Variants in RNASEH2B observed in about 807,000 individuals in gnomAD.
RNASEH2B encodes the protein Aicardi-Goutieres syndrome 2 protein.
RNASEH2B carries 36 observed loss-of-function variants against 45.0 expected under a neutral mutation model. The observed-to-expected ratio is 0.80, with a 90% CI of 0.61 to 1.06. The LOEUF is 1.06. Ranked by LOEUF, RNASEH2B falls within the 50% of genes least tolerant of loss-of-function variation. RNASEH2B has a pLI of 0.00. For synonymous variants in RNASEH2B, 119 were observed against 125.7 expected (o/e 0.95, Z 0.35); for missense variants, 361 against 360.3 (o/e 1.00, Z -0.02).
At chr13:50,937,160 C>T (rs904927058) in intron 5 of RNASEH2B, 5 of 151,906 alleles carry the variant, frequency 3.3e-5, no homozygotes, top group African/African-American at 1.2e-4. Flanking sequence ...AAGCTGCAGC[C>T]TGTGAATCTC....
At chr13:50,966,896 T>C (rs1226308126) in intron 9 of RNASEH2B, among the ~76,000 whole-genome samples, 1 of 152,200 alleles carries the variant, frequency 6.6e-6, no homozygotes, top group Non-Finnish European at 1.5e-5. Context: ...TCTTAATCTT[T>C]AAAAATATAA....
chr13:50,910,278 G>C, intron 1 of RNASEH2B, 138 bp downstream of exon 1: 2 of 544,696 alleles, frequency 3.7e-6, no homozygotes, highest in South Asian at 8.1e-5. Flanking sequence ...GGGACAGCTG[G>C]CCCCGCATTT....
At chr13:50,950,428 TG>T (rs939655209) in intron 9 of RNASEH2B, 1 of 149,598 alleles carries the variant, frequency 6.7e-6, no homozygotes, top group Non-Finnish European at 1.5e-5. Flanking sequence ...CAGCAGTGTT[TG>T]TTTGGGCCTA....
chr13:50,910,051 GC>G lies in RNASEH2B; in HGVS notation c.-25del. The G allele has an allele frequency of 6.8e-7, 1 of 1,466,894 alleles. No individual in the cohort carries two copies. The highest frequency in any genetic ancestry group is 9.0e-7 in the Non-Finnish European group (1 of 1,113,182). The allele number at this position is 1,466,894 out of a possible 1,614,324, so 90.9% of individuals were successfully genotyped here. ...GACTGAGGCCCGCGGCGCTGAGCCTGCGGCGCCCCGGAAGAGGCGGGCGGCA... is the reference window on the plus strand; with the variant it reads ...GACTGAGGCCCGCGGCGCTGAGCCTGGGCGCCCCGGAAGAGGCGGGCGGCA... On this transcript the variant is annotated 5_prime_UTR_variant, in exon 1 of 11. Transcript: ENST00000336617.
intron 1 of RNASEH2B, chr13:50,911,586 G>A (rs746756206): frequency 3.9e-5 from 6 of 152,192 alleles, no homozygotes; most frequent in Non-Finnish European, 7.3e-5. Context: ...TTCCAAAGTG[G>A]TTATACTGAT....
intron 1 of RNASEH2B, among the ~76,000 whole-genome samples, chr13:50,918,427 G>C (rs1879870518): frequency 6.6e-6 from 1 of 152,200 alleles, no homozygotes; most frequent in Admixed American, 6.5e-5. Flanking sequence ...GTGAGCCACT[G>C]CGCCCGGCCT....
intron 10 of RNASEH2B, chr13:50,955,941 TG>T (rs1204661710): frequency 5.6e-6 from 1 of 177,544 alleles, no homozygotes; most frequent in East Asian, 1.4e-4. Flanking sequence ...TGGTTTCCCA[TG>T]GAGCAAATGA....
rs1035634265 is a variant in RNASEH2B at position 50,956,742 on chromosome 13, A to G, written c.*268A>G. 4.2e-6 allele frequency: 5 copies of G among 1,193,800 alleles called. No individual in the cohort carries two copies. The highest frequency in any genetic ancestry group is 2.1e-6 in the Non-Finnish European group (2 of 949,824). 74.0% of individuals were successfully genotyped at this position (1,193,800 alleles called of 1,614,324 possible). A position where few individuals can be genotyped will look rare whatever the true frequency, so the allele number is the denominator to read the frequency against. The stretch of plus-strand genomic sequence containing the variant: ...AACATATAGCATCATGATTTTCTCA[A>G]TAAACTGATGTGTGACAATGTTAGA... On this transcript the variant is annotated 3_prime_UTR_variant, in exon 11 of 11. Coordinates refer to ENST00000336617, the MANE Select transcript of RNASEH2B (RefSeq NM_024570.4).
At chr13:50,964,118 G>C (rs1952140951) in intron 9 of RNASEH2B, among the ~76,000 whole-genome samples, 1 of 152,052 alleles carries the variant, frequency 6.6e-6, no homozygotes, top group East Asian at 1.9e-4. Flanking sequence ...AGAATCACTT[G>C]AACCCAGGAG....
chr13:50,969,796 C>T (rs543500939), intron 9 of RNASEH2B: 10 of 778,218 alleles, frequency 1.3e-5, no homozygotes, highest in South Asian at 3.5e-5. Flanking sequence ...CTCTTAGAAG[C>T]GAAAATGCTC....
At chr13:50,965,568 G>T (rs1952157336) in intron 9 of RNASEH2B, among the ~76,000 whole-genome samples, 1 of 152,226 alleles carries the variant, frequency 6.6e-6, no homozygotes. Flanking sequence ...GCAATACAGT[G>T]TTGGAGTCCT....
chr13:50,956,492 C>G lies in RNASEH2B; in HGVS notation c.*18C>G, dbSNP rs1952052420. On this transcript the variant is annotated 3_prime_UTR_variant, in exon 11 of 11. Transcript: ENST00000336617. ...AGGTTTGAAACTTTGAAAATAAAATCTAGCAAAAATATTTGCTTTTTACAT... is the reference window on the plus strand; with the variant it reads ...AGGTTTGAAACTTTGAAAATAAAATGTAGCAAAAATATTTGCTTTTTACAT... 2 of 1,587,318 alleles carry G rather than the reference C, an allele frequency of 1.3e-6. No homozygotes were observed. The highest frequency in any genetic ancestry group is 1.7e-6 in the Non-Finnish European group (2 of 1,163,366).
intron 2 of RNASEH2B, chr13:50,928,439 G>A (rs971763875): frequency 3.3e-5 from 5 of 152,206 alleles, no homozygotes; most frequent in Admixed American, 1.3e-4. Flanking sequence ...CTAAGTTGAC[G>A]TGAGAAATAT....
At chr13:50,959,760 G>A (rs1363058558), downstream of RNASEH2B, 1 of 153,006 alleles carries the variant, frequency 6.5e-6, no homozygotes, top group Admixed American at 6.5e-5. Flanking sequence ...GCCTATTTTT[G>A]TTTTATATTT....
At chr13:50,967,958 A>G (rs1375029638) in intron 9 of RNASEH2B, among the ~76,000 whole-genome samples, 1 of 152,224 alleles carries the variant, frequency 6.6e-6, no homozygotes, top group African/African-American at 2.4e-5. Flanking sequence ...TCCTCATCTG[A>G]ATAATCAGAA....
At chr13:50,929,192 C>G (rs770013933) in intron 2 of RNASEH2B, among the ~76,000 whole-genome samples, 1 of 152,108 alleles carries the variant, frequency 6.6e-6, no homozygotes, top group Non-Finnish European at 1.5e-5. Flanking sequence ...CCCTCTTGAT[C>G]TGATGGAGGA....
chr13:50,920,264 C>G (rs576078805), intron 1 of RNASEH2B, among the ~76,000 whole-genome samples: 145 of 152,288 alleles, frequency 9.5e-4, no homozygotes, highest in African/African-American at 3.3e-3. Flanking sequence ...GGGCTGGTCT[C>G]TAACTCCTGG....
At position 50,956,559 on chromosome 13, in the gene RNASEH2B, T is replaced by C; in HGVS notation, c.*85T>C. ...CCTGACTGTTAATGACTACCTTTGG[T>C]TGGGGGAAGGAAGAGGCCAATTTCA... On this transcript the variant is annotated 3_prime_UTR_variant, in exon 11 of 11. Transcript: ENST00000336617. 3 of 1,537,928 alleles carry C rather than the reference T, an allele frequency of 2.0e-6. No individual in the cohort carries two copies. Among genetic ancestry groups the C allele is most frequent in the East Asian group, 2.4e-5 (1 of 40,922 alleles).
intron 5 of RNASEH2B, chr13:50,941,181 T>C (rs1426416902): frequency 6.6e-6 from 1 of 152,238 alleles, no homozygotes; most frequent in African/African-American, 2.4e-5. Flanking sequence ...GCTAATATTA[T>C]GTATTTGCTA....
Sources: gnomAD v4.1 joint callset for allele counts (sites outside exome capture counted in the v4.1 genomes callset) on GRCh38, gnomAD v4.1.1 for gene constraint, MANE v1.5 for transcripts, NCBI Gene and HGNC (gene_info 2026-07-23, HGNC 2026-07-21) for gene names.